AGBL4: variants seen among roughly 807,000 people sequenced by gnomAD.
AGBL4 encodes the protein cytosolic carboxypeptidase 6.
Under a neutral mutation model 66.4 loss-of-function variants are expected in AGBL4, and 58 were observed. The observed-to-expected ratio is 0.87, with a 90% CI of 0.71 to 1.09. The LOEUF (loss-of-function observed/expected upper bound fraction) is 1.09, where lower values mean the gene tolerates loss of function less well. AGBL4 is among the 50% of genes least tolerant of loss of function. AGBL4 has a pLI of 0.00. For missense variants in AGBL4, 579 were observed against 631.0 expected (o/e 0.92, Z 0.88); for synonymous variants, 234 against 222.9 (o/e 1.05, Z -0.44).
At chr1:49,943,802 G>T (rs1029317512) in intron 1 of AGBL4, among the ~76,000 whole-genome samples, 1 of 151,976 alleles carries the variant, frequency 6.6e-6, no homozygotes, top group Non-Finnish European at 1.5e-5. Context: ...TCAGGGGAGG[G>T]CATGAATCTG....
chr1:48,681,760 G>A (rs1229483965), intron 6 of AGBL4, among the ~76,000 whole-genome samples: 1 of 152,148 alleles, frequency 6.6e-6, no homozygotes, highest in Non-Finnish European at 1.5e-5. Flanking sequence ...TGAGGGATGC[G>A]TTACCTCACT....
chr1:49,338,512 T>C (rs1645479922), intron 3 of AGBL4, among the ~76,000 whole-genome samples: 1 of 152,186 alleles, frequency 6.6e-6, no homozygotes, highest in Non-Finnish European at 1.5e-5. Context: ...TTTATTCATC[T>C]CTACATATTT....
chr1:49,545,606 C>T (rs999364557), intron 3 of AGBL4, among the ~76,000 whole-genome samples: 2 of 152,138 alleles, frequency 1.3e-5, no homozygotes, highest in Non-Finnish European at 1.5e-5. Flanking sequence ...TAACTCTGAT[C>T]TCTGTGACTC....
chr1:48,986,264 T>C (rs1209501445), intron 5 of AGBL4, among the ~76,000 whole-genome samples: 1 of 151,866 alleles, frequency 6.6e-6, no homozygotes, highest in Non-Finnish European at 1.5e-5. Flanking sequence ...AAATAATAGG[T>C]GAAATTTTTC....
intron 3 of AGBL4, among the ~76,000 whole-genome samples, chr1:49,348,378 G>T (rs1171043522): frequency 6.6e-6 from 1 of 151,668 alleles, no homozygotes; most frequent in Non-Finnish European, 1.5e-5. Context: ...CTGAAATCGC[G>T]CCACCGCATT....
At chr1:48,972,983 T>C (rs1378896438) in intron 5 of AGBL4, among the ~76,000 whole-genome samples, 1 of 152,092 alleles carries the variant, frequency 6.6e-6, no homozygotes, top group Non-Finnish European at 1.5e-5. Context: ...TGGCCCAAAT[T>C]TGTCAAATTT....
intron 1 of AGBL4, among the ~76,000 whole-genome samples, chr1:49,878,277 GCTTTC>G (rs1647089922): frequency 6.7e-6 from 1 of 149,670 alleles, no homozygotes; most frequent in East Asian, 1.9e-4. Flanking sequence ...GATCTTTCCT[GCTTTC>G]TCTTGTGGGC....
At chr1:48,718,721 C>T (rs1371092794) in intron 6 of AGBL4, among the ~76,000 whole-genome samples, 1 of 152,178 alleles carries the variant, frequency 6.6e-6, no homozygotes, top group Admixed American at 6.5e-5. Flanking sequence ...GTCAGGGCCA[C>T]ACCACTTGTG....
At chr1:49,654,661 G>A (rs889424837) in intron 3 of AGBL4, among the ~76,000 whole-genome samples, 19 of 151,984 alleles carry the variant, frequency 1.3e-4, no homozygotes, top group African/African-American at 2.2e-4. Context: ...TGAATTGATC[G>A]CTTTATCATT....
At chr1:49,012,083 T>G (rs1358374168) in intron 5 of AGBL4, among the ~76,000 whole-genome samples, 2 of 151,054 alleles carry the variant, frequency 1.3e-5, no homozygotes, top group African/African-American at 4.9e-5. Flanking sequence ...CCCCACCCCC[T>G]CCAAGTATAA....
At chr1:50,023,617 G>T in intron 1 of AGBL4, 146 bp downstream of exon 1, 1 of 999,244 alleles carries the variant, frequency 1.0e-6, no homozygotes, top group Non-Finnish European at 1.4e-6. Context: ...CGCCACCCTT[G>T]ACCCCTGACC....
intron 6 of AGBL4, among the ~76,000 whole-genome samples, chr1:48,781,596 C>T (rs1405724581): frequency 1.3e-5 from 2 of 152,156 alleles, no homozygotes; most frequent in Non-Finnish European, 2.9e-5. Flanking sequence ...TTGTTGAATC[C>T]CCTCTTCAAT....
intron 1 of AGBL4, among the ~76,000 whole-genome samples, chr1:49,903,406 T>G (rs1478485051): frequency 2.6e-5 from 4 of 152,090 alleles, no homozygotes; most frequent in Non-Finnish European, 5.9e-5. Flanking sequence ...TTGGGTACTA[T>G]GCTTATTATC....
At chr1:49,728,753 G>C (rs1018575119) in intron 2 of AGBL4, among the ~76,000 whole-genome samples, 1 of 152,150 alleles carries the variant, frequency 6.6e-6, no homozygotes, top group African/African-American at 2.4e-5. Flanking sequence ...AACTAGAATG[G>C]AACTGAGGAA....
intron 1 of AGBL4, among the ~76,000 whole-genome samples, chr1:49,852,443 T>C (rs993407714): frequency 1.3e-5 from 2 of 152,194 alleles, no homozygotes; most frequent in East Asian, 3.9e-4. Flanking sequence ...AAGACTCTGC[T>C]GTACAGGTCT....
intron 4 of AGBL4, among the ~76,000 whole-genome samples, chr1:49,050,024 G>T (rs1365819629): frequency 6.6e-6 from 1 of 151,990 alleles, no homozygotes; most frequent in East Asian, 1.9e-4. Flanking sequence ...TATGCAGGTT[G>T]TTCACGACTC....
At chr1:49,822,278 T>A (rs536681555) in intron 2 of AGBL4, among the ~76,000 whole-genome samples, 1 of 152,168 alleles carries the variant, frequency 6.6e-6, no homozygotes, top group Admixed American at 6.5e-5. Flanking sequence ...TTCTTTTTTG[T>A]ATTTTTCTTT....
chr1:49,041,172 C>T lies in AGBL4; in HGVS notation c.594+4412G>A, dbSNP rs530715406. Among the ~76,000 whole-genome samples, 4 of 152,160 alleles carry T rather than the reference C, an allele frequency of 2.6e-5. No homozygotes were observed. In the South Asian group the frequency reaches 8.3e-4, roughly 32 times the overall value. ...AATTCAAAATCTTCCTTCCTGCCTG[C>T]TCTCCCTGAGATCTAGATGCTGGCA... is the stretch of plus-strand genomic sequence containing the variant. On this transcript the variant is annotated intron_variant, in intron 5 of 13. Transcript: ENST00000371839.
intron 9 of AGBL4, among the ~76,000 whole-genome samples, chr1:48,601,885 C>A (rs933943811): frequency 5.9e-5 from 9 of 152,142 alleles, no homozygotes; most frequent in African/African-American, 1.2e-4. Context: ...AAAAGCCAGG[C>A]CTTCCCTCAG....
Sources: allele counts gnomAD v4.1 joint callset (sites outside exome capture counted in the v4.1 genomes callset), GRCh38; gene constraint gnomAD v4.1.1; transcripts MANE v1.5; gene names NCBI Gene and HGNC (gene_info 2026-07-23, HGNC 2026-07-21).